Variants in ACSS2 observed in about 807,000 individuals in gnomAD.
ACSS2 encodes acyl-CoA synthetase short chain family member 2.
ACSS2 carries 58 observed loss-of-function variants against 90.6 expected under a neutral mutation model. The ratio of observed to expected loss-of-function variants is 0.64; its 90% CI spans 0.52 to 0.80. The LOEUF (loss-of-function observed/expected upper bound fraction) is 0.80, where lower values mean the gene tolerates loss of function less well. Ranked by LOEUF, ACSS2 falls within the 30% of genes least tolerant of loss-of-function variation. ACSS2 has a pLI of 0.00. For missense variants in ACSS2, 759 were observed against 912.0 expected, an observed-to-expected ratio of 0.83 and a Z score of 2.16; for synonymous variants, 300 against 330.9, an observed-to-expected ratio of 0.91 and a Z score of 1.01.
At chr20:34,904,993 C>CT (rs977741378) in intron 2 of ACSS2, among the ~76,000 whole-genome samples, 4 of 145,898 alleles carry the variant, frequency 2.7e-5, no homozygotes, top group African/African-American at 1.0e-4. Context: ...ACGTGGCTCA[C>CT]TGCAGCCTTG....
chr20:34,877,811 T>A (rs1323670859), intron 1 of ACSS2, among the ~76,000 whole-genome samples: 1 of 94,034 alleles, frequency 1.1e-5, no homozygotes, highest in Non-Finnish European at 1.9e-5. Flanking sequence ...AGAGCAAGAC[T>A]TTGTCTCAAA....
chr20:34,925,418 C>A (rs566650630), intron 14 of ACSS2, among the ~76,000 whole-genome samples: 1 of 152,264 alleles, frequency 6.6e-6, no homozygotes, highest in East Asian at 1.9e-4. Flanking sequence ...AGCTAGGTGT[C>A]TTCTACAACC....
intron 2 of ACSS2, among the ~76,000 whole-genome samples, chr20:34,898,166 C>G (rs2080512534): frequency 6.6e-6 from 1 of 152,124 alleles, no homozygotes; most frequent in Non-Finnish European, 1.5e-5. Flanking sequence ...TGAGCAGCAG[C>G]AAGATTTATT....
chr20:34,907,413 C>T (rs1045649570), intron 2 of ACSS2, among the ~76,000 whole-genome samples: 2 of 152,166 alleles, frequency 1.3e-5, no homozygotes, highest in African/African-American at 4.8e-5. Context: ...CCTGGCAAAA[C>T]AGAATGATTT....
intron 2 of ACSS2, among the ~76,000 whole-genome samples, chr20:34,888,433 T>C (rs1298911333): frequency 6.6e-6 from 1 of 152,166 alleles, no homozygotes; most frequent in Non-Finnish European, 1.5e-5. Context: ...ACCACAATTA[T>C]TTATATTGGA....
intron 8 of ACSS2, 115 bp downstream of exon 8, chr20:34,919,687 C>G: frequency 7.1e-7 from 1 of 1,412,672 alleles, no homozygotes. Flanking sequence ...TCCTACAACC[C>G]TGAGTTTTGG....
In ACSS2 at chr20:34,914,289, C is replaced by T. The variant is rs56820259; in HGVS notation, c.720-34C>T. 3.7e-6 allele frequency: 6 copies of T among 1,604,920 alleles called. No homozygotes were observed. The East Asian group carries it at 1.1e-4, about 30-fold the overall frequency. On this transcript the variant is annotated intron_variant, in intron 6 of 17. Coordinates refer to ENST00000360596, the MANE Select transcript of ACSS2 (RefSeq NM_018677.4). The stretch of plus-strand genomic sequence containing the variant: ...TCTTGCCAAGTTCCCTTTGAGCCAA[C>T]AAGGCTACCACTTTAGGCTTTTCTC...
Position 34,919,450 on chromosome 20 carries a change from G to C in ACSS2, c.850G>C (p.Gly284Arg). 1 of 1,613,790 alleles carries C rather than the reference G, an allele frequency of 6.2e-7. No individual in the cohort carries two copies. The highest frequency in any genetic ancestry group is 1.1e-5 in the South Asian group (1 of 91,054). The change falls in exon 8 of 18, where the codon GGG becomes CGG. Residue 284 changes from glycine (G) to arginine (R), a missense_variant. Gly to Arg is a moderately radical substitution (Grantham distance 125). Coordinates refer to ENST00000360596, the MANE Select transcript of ACSS2 (RefSeq NM_018677.4). ...ATCCCTGCAGATCTCATGGAACCAA[G>C]GGATTGACTTGTGGTGGCATGAGCT... Reference protein sequence around the residue: ...CPDVQISWNQGIDLWWHELMQ... With the variant: ...CPDVQISWNQRIDLWWHELMQ...
chr20:34,909,485 G>A (rs921420832), intron 2 of ACSS2, among the ~76,000 whole-genome samples: 27 of 152,196 alleles, frequency 1.8e-4, no homozygotes, highest in Non-Finnish European at 3.2e-4. Flanking sequence ...CTACACATAA[G>A]ATTTGTGCAT....
At chr20:34,898,620 T>C (rs534974850) in intron 2 of ACSS2, among the ~76,000 whole-genome samples, 28 of 152,340 alleles carry the variant, frequency 1.8e-4, no homozygotes, top group African/African-American at 5.1e-4. Context: ...AGAGTGTCCA[T>C]TGGTGCATTC....
At position 34,888,067 on chromosome 20, in the gene ACSS2, C is replaced by CAAAAAAAAAAAAAAAAAAAAAAAAAAA. The variant is rs34578238; in HGVS notation, c.374+5100_374+5101insAAAAAAAAAAAAAAAAAAAAAAAAAAA. On this transcript the variant is annotated intron_variant, in intron 2 of 17. Coordinates refer to ENST00000360596, the MANE Select transcript of ACSS2 (RefSeq NM_018677.4). ...CCTGGGCAACAGAGCAAGACTCCAT[C>CAAAAAAAAAAAAAAAAAAAAAAAAAAA]AAAAAAAAAAAAAAAAAAAAAAGCC... Among the ~76,000 whole-genome samples, 2 of 62,518 alleles carry CAAAAAAAAAAAAAAAAAAAAAAAAAAA rather than the reference C, an allele frequency of 3.2e-5. 1 individual carries two copies. Among genetic ancestry groups the CAAAAAAAAAAAAAAAAAAAAAAAAAAA allele is most frequent in the African/African-American group, 1.3e-4 (2 of 15,440 alleles). The allele number at this position is 62,518 out of a possible 152,430, so 41.0% of individuals were successfully genotyped here.
chr20:34,878,895 C>CTTTTTTTTTTTTTTTTTTTTTT lies in ACSS2; in HGVS notation c.178+2088_178+2089insTTTTTTTTTTTTTTTTTTTTTT. On this transcript the variant is annotated intron_variant, in intron 1 of 17. Coordinates refer to ENST00000360596, the MANE Select transcript of ACSS2 (RefSeq NM_018677.4). ...AGTTTCTAATTAAAATTCTGCTTTTCTTTTTTTTTTTTTTTTCTTTTTTTT... is the reference window on the plus strand; with the variant it reads ...AGTTTCTAATTAAAATTCTGCTTTTCTTTTTTTTTTTTTTTTTTTTTTTTTTTTTTTTTTTTTTCTTTTTTTT... Among the ~76,000 whole-genome samples the CTTTTTTTTTTTTTTTTTTTTTT allele has an allele frequency of 1.6e-5, 2 of 128,526 alleles. 1 individual carries two copies. 84.3% of individuals were successfully genotyped at this position (128,526 alleles called of 152,430 possible).
intron 2 of ACSS2, among the ~76,000 whole-genome samples, chr20:34,899,017 C>T (rs1455490145): frequency 6.6e-6 from 1 of 152,234 alleles, no homozygotes; most frequent in Non-Finnish European, 1.5e-5. Flanking sequence ...CTGGGGTACC[C>T]AGTACACCCT....
chr20:34,901,155 C>T (rs777791752), intron 2 of ACSS2, among the ~76,000 whole-genome samples: 4 of 152,180 alleles, frequency 2.6e-5, no homozygotes, highest in Non-Finnish European at 5.9e-5. Flanking sequence ...TTGTAAGTAA[C>T]CTTGAGGTCA....
At chr20:34,892,681 A>T (rs552710267) in intron 2 of ACSS2, among the ~76,000 whole-genome samples, 148 of 152,338 alleles carry the variant, frequency 9.7e-4, no homozygotes, top group Non-Finnish European at 1.8e-3. Context: ...TGCTTGGCAA[A>T]AAGTGTATTA....
upstream of ACSS2, among the ~76,000 whole-genome samples, chr20:34,875,508 G>T (rs1382214280): frequency 6.6e-6 from 1 of 152,214 alleles, no homozygotes; most frequent in Non-Finnish European, 1.5e-5. Context: ...GGCAGAGGTT[G>T]CAGTCAGCCG....
At position 34,887,047 on chromosome 20, in the gene ACSS2, C is replaced by G. The variant is rs117264792; in HGVS notation, c.374+4058C>G. On this transcript the variant is annotated intron_variant, in intron 2 of 17. Coordinates refer to ENST00000360596, the MANE Select transcript of ACSS2 (RefSeq NM_018677.4). ...GAACCATATTAAGGAATAATTTGGC[C>G]TTTTACTTTTGGCTTGACACATTGC... Among the ~76,000 whole-genome samples, 222 of 152,286 alleles carry G rather than the reference C, an allele frequency of 1.5e-3. 4 individuals carry two copies. The East Asian group carries it at 0.03, about 20-fold the overall frequency.
intron 14 of ACSS2, among the ~76,000 whole-genome samples, chr20:34,925,431 A>C (rs567607740): frequency 6.6e-6 from 1 of 152,290 alleles, no homozygotes; most frequent in South Asian, 2.1e-4. Flanking sequence ...CTACAACCTA[A>C]TCTCAGAAGT....
At chr20:34,891,342 T>G (rs2146995877) in intron 2 of ACSS2, among the ~76,000 whole-genome samples, 1 of 152,330 alleles carries the variant, frequency 6.6e-6, no homozygotes, top group Non-Finnish European at 1.5e-5. Flanking sequence ...ATCTCTAATC[T>G]TCCAGAATTC....
Sources: gnomAD v4.1 joint callset for allele counts (sites outside exome capture counted in the v4.1 genomes callset) on GRCh38, gnomAD v4.1.1 for gene constraint, MANE v1.5 for transcripts, NCBI Gene and HGNC (gene_info 2026-07-23, HGNC 2026-07-21) for gene names.